The following LIN7A variants were observed in gnomAD, a reference collection of about 807,000 sequenced individuals.
LIN7A encodes protein lin-7 homolog A.
Under a neutral mutation model 29.8 loss-of-function variants are expected in LIN7A, and 25 were observed. The ratio of observed to expected loss-of-function variants is 0.84; its 90% CI spans 0.61 to 1.17. The LOEUF is 1.17. LIN7A is among the 50% of genes most tolerant of loss of function. The pLI, the probability that LIN7A is intolerant of heterozygous loss-of-function variation, is 0.00. For missense variants in LIN7A, 239 were observed against 287.0 expected, an observed-to-expected ratio of 0.83 and a Z score of 1.21; for synonymous variants, 118 against 107.5, an observed-to-expected ratio of 1.10 and a Z score of -0.60.
chr12:80,835,014 C>T (rs1487092300), intron 4 of LIN7A, among the ~76,000 whole-genome samples: 1 of 152,166 alleles, frequency 6.6e-6, no homozygotes, highest in Non-Finnish European at 1.5e-5. Flanking sequence ...TTAAAGCAAT[C>T]ACTGGTAATT....
intron 1 of LIN7A, among the ~76,000 whole-genome samples, chr12:80,895,550 C>A (rs574773086): frequency 2.3e-4 from 35 of 152,292 alleles, no homozygotes; most frequent in Admixed American, 2.2e-3. Context: ...ATCCCAAAGC[C>A]ATCCACAACC....
intron 5 of LIN7A, among the ~76,000 whole-genome samples, chr12:80,807,846 G>T (rs1871117202): frequency 6.6e-6 from 1 of 152,154 alleles, no homozygotes; most frequent in African/African-American, 2.4e-5. Flanking sequence ...CATATTTCCT[G>T]CCTGGACTAC....
intron 5 of LIN7A, among the ~76,000 whole-genome samples, chr12:80,802,506 T>C (rs1476211645): frequency 5.9e-5 from 9 of 152,214 alleles, no homozygotes; most frequent in Admixed American, 1.3e-4. Context: ...CTGGATCATA[T>C]GGTGGTTCTA....
intron 2 of LIN7A, among the ~76,000 whole-genome samples, chr12:80,858,104 A>G (rs1202397603): frequency 6.6e-6 from 1 of 152,148 alleles, no homozygotes; most frequent in African/African-American, 2.4e-5. Flanking sequence ...GTGTCTACCA[A>G]TTTTCAAATG....
rs1870331990 is a variant in LIN7A, at chr12:80,794,063, T to C, written c.*3664A>G. 2 of 149,632 alleles carry C rather than the reference T, an allele frequency of 1.3e-5. No homozygotes were observed. 9.3% of individuals were successfully genotyped at this position (149,632 alleles called of 1,614,324 possible). ...CAAATTCATACATCTAAAAAGTTTTTATATAGACTCAAAATATGGTTCTAA... is the reference window on the plus strand; with the variant it reads ...CAAATTCATACATCTAAAAAGTTTTCATATAGACTCAAAATATGGTTCTAA... On this transcript the variant is annotated 3_prime_UTR_variant, in exon 6 of 6. Transcript: ENST00000552864.
intron 4 of LIN7A, among the ~76,000 whole-genome samples, chr12:80,843,700 C>T (rs1486377008): frequency 6.6e-6 from 1 of 151,934 alleles, no homozygotes; most frequent in Non-Finnish European, 1.5e-5. Flanking sequence ...TTCATCAGAG[C>T]CCTTCAAATT....
chr12:80,807,073 T>G lies in LIN7A; in HGVS notation c.*4392A>C, dbSNP rs7964821. Among the ~76,000 whole-genome samples, 340 of 52,432 alleles carry G rather than the reference T, an allele frequency of 6.5e-3. 3 individuals are homozygous for G. The highest frequency in any genetic ancestry group is 0.018 in the South Asian group (23 of 1,278). 34.4% of individuals were successfully genotyped at this position (52,432 alleles called of 152,430 possible). ...TTTAATGAAGATGGAGTTTTTTTTTTTTTTTTTTTTTTTTTTTTGACGGAG... is the reference window on the plus strand; with the variant it reads ...TTTAATGAAGATGGAGTTTTTTTTTGTTTTTTTTTTTTTTTTTTGACGGAG... On this transcript the variant is annotated intron_variant, in intron 5 of 5. Coordinates refer to ENST00000552864, the MANE Select transcript of LIN7A (RefSeq NM_004664.4).
intron 2 of LIN7A, among the ~76,000 whole-genome samples, chr12:80,883,281 C>T (rs1441277009): frequency 1.3e-5 from 2 of 152,070 alleles, no homozygotes; most frequent in African/African-American, 4.8e-5. Context: ...ATCACCCAAC[C>T]AAGCATTGAC....
Position 80,848,323 on chromosome 12 carries a change from C to A in LIN7A, c.202-1G>T. 2 of 1,598,648 alleles carry A rather than the reference C, an allele frequency of 1.3e-6. No homozygotes were observed. Among genetic ancestry groups the A allele is most frequent in the Non-Finnish European group, 1.7e-6 (2 of 1,166,340 alleles). ...TCGTTTCATGCATATATTGATACAC[C>A]TAAAATGTTCACATAAAAAGAAGAA... is the stretch of plus-strand genomic sequence containing the variant. On this transcript the variant is annotated splice_acceptor_variant, in intron 2 of 5. Transcript: ENST00000552864. LOFTEE classifies it high-confidence loss of function.
intron 4 of LIN7A, among the ~76,000 whole-genome samples, chr12:80,818,671 G>C (rs1592859724): frequency 6.6e-6 from 1 of 152,136 alleles, no homozygotes; most frequent in South Asian, 2.1e-4. Flanking sequence ...TAAATATAGA[G>C]ACCTAGGCTC....
chr12:80,888,729 A>C lies in LIN7A; in HGVS notation c.201+522T>G, dbSNP rs570335920. 7.2e-5 allele frequency among the ~76,000 whole-genome samples: 11 copies of C among 152,294 alleles called. No homozygotes were observed. In the South Asian group the frequency reaches 2.3e-3, roughly 32 times the overall value. ...ACAAAATTCAAATAGTCATTTCAAC[A>C]TACTTGTTTCACCTTAGTCTTCTTG... On this transcript the variant is annotated intron_variant, in intron 2 of 5. Coordinates refer to ENST00000552864, the MANE Select transcript of LIN7A (RefSeq NM_004664.4).
At chr12:80,902,787 T>C (rs891066496) in intron 1 of LIN7A, among the ~76,000 whole-genome samples, 2 of 152,060 alleles carry the variant, frequency 1.3e-5, no homozygotes, top group East Asian at 3.9e-4. Flanking sequence ...TTTCTAGGTA[T>C]AGAATCATAT....
chr12:80,869,740 C>T (rs891571660), intron 2 of LIN7A, among the ~76,000 whole-genome samples: 13 of 139,868 alleles, frequency 9.3e-5, no homozygotes, highest in African/African-American at 3.9e-4. Flanking sequence ...AACCACATTA[C>T]GCCAATGGTT....
chr12:80,878,631 G>C (rs904709296), intron 2 of LIN7A, among the ~76,000 whole-genome samples: 1 of 152,154 alleles, frequency 6.6e-6, no homozygotes. Flanking sequence ...GCTGCTGTTG[G>C]CGGACGTGGC....
intron 2 of LIN7A, 30 bp from the exon 3 acceptor site, chr12:80,848,352 G>A (rs775158490): frequency 1.4e-6 from 2 of 1,417,326 alleles, no homozygotes; most frequent in South Asian, 2.3e-5. Flanking sequence ...AGAAGAATGT[G>A]TAAGAACATG....
At chr12:80,821,056 T>C (rs1200476700) in intron 4 of LIN7A, among the ~76,000 whole-genome samples, 2 of 152,054 alleles carry the variant, frequency 1.3e-5, no homozygotes, top group Non-Finnish European at 2.9e-5. Flanking sequence ...AAGAACTACC[T>C]CCCCCATACT....
intron 2 of LIN7A, among the ~76,000 whole-genome samples, chr12:80,852,916 G>C (rs1050776196): frequency 6.6e-6 from 1 of 152,102 alleles, no homozygotes; most frequent in African/African-American, 2.4e-5. Context: ...CGTTACTCTC[G>C]TGGTGCAAGT....
intron 4 of LIN7A, among the ~76,000 whole-genome samples, chr12:80,841,484 C>T (rs1055606942): frequency 4.6e-5 from 7 of 152,064 alleles, no homozygotes; most frequent in Non-Finnish European, 7.4e-5. Context: ...ATATTTATAT[C>T]AGAGCCCCTA....
chr12:80,840,831 A>C (rs560322784), intron 4 of LIN7A, among the ~76,000 whole-genome samples: 10 of 152,014 alleles, frequency 6.6e-5, no homozygotes, highest in Non-Finnish European at 1.0e-4. Flanking sequence ...AACCATTCCA[A>C]CTCTGTACAT....
Sources: allele counts gnomAD v4.1 joint callset (sites outside exome capture counted in the v4.1 genomes callset), GRCh38; gene constraint gnomAD v4.1.1; transcripts MANE v1.5; gene names NCBI Gene and HGNC (gene_info 2026-07-23, HGNC 2026-07-21).